Variants in APBA2 observed in about 807,000 individuals in gnomAD.
The protein encoded by APBA2 is amyloid beta precursor protein binding family A member 2, also known as amyloid-beta A4 precursor protein-binding family A member 2.
A neutral mutation model predicts 75.0 loss-of-function variants in APBA2; 30 were observed. That is an observed-to-expected ratio of 0.40 (90% CI 0.30 to 0.54). The LOEUF is 0.54. Ranked by LOEUF, APBA2 falls within the 20% of genes least tolerant of loss-of-function variation. The probability of loss-of-function intolerance (pLI) is 0.49; values close to 1 mark genes in which losing one functional copy is unlikely to be tolerated. For synonymous variants in APBA2, 444 were observed against 409.6 expected (o/e 1.08, Z -1.01); for missense variants, 801 against 1,016.1 (o/e 0.79, Z 2.88).
intron 10 of APBA2, chr15:29,102,829 G>A (rs2044194691): frequency 3.9e-5 from 6 of 152,212 alleles, no homozygotes; most frequent in Admixed American, 3.9e-4. Flanking sequence ...AGGACTTGAG[G>A]CTGTCTCAGG....
rs137867789 is a variant in APBA2, at chr15:29,078,687, A to G, written c.1069+2596A>G. On this transcript the variant is annotated intron_variant, in intron 6 of 14. Coordinates refer to ENST00000683413, the MANE Select transcript of APBA2 (RefSeq NM_001353788.2). The stretch of plus-strand genomic sequence containing the variant: ...AGGCCGCCGGTTCGATGGCTCTGTG[A>G]TGTCAGGATTGGCGCTGTTGTGTCT... Among the ~76,000 whole-genome samples the G allele has an allele frequency of 1.3e-3, 195 of 150,476 alleles. 2 individuals carry two copies. Among genetic ancestry groups the G allele is most frequent in the South Asian group, 0.012 (56 of 4,756 alleles).
intron 1 of APBA2, among the ~76,000 whole-genome samples, chr15:28,906,674 C>G (rs1262989682): frequency 6.6e-6 from 1 of 152,144 alleles, no homozygotes; most frequent in Non-Finnish European, 1.5e-5. Flanking sequence ...CATGATCAGT[C>G]TTTGTGGTTT....
chr15:28,975,713 G>A (rs988745663), intron 2 of APBA2, among the ~76,000 whole-genome samples: 3 of 152,198 alleles, frequency 2.0e-5, no homozygotes, highest in Non-Finnish European at 2.9e-5. Context: ...AAGTGAAAAA[G>A]CCAGGTAATA....
intron 2 of APBA2, among the ~76,000 whole-genome samples, chr15:28,983,577 A>G (rs965036511): frequency 6.6e-6 from 1 of 152,216 alleles, no homozygotes; most frequent in Non-Finnish European, 1.5e-5. Context: ...CTCCCAAGGC[A>G]TGTAATGTAG....
intron 2 of APBA2, among the ~76,000 whole-genome samples, chr15:28,929,478 A>G (rs1303184704): frequency 6.6e-6 from 1 of 152,172 alleles, no homozygotes; most frequent in Non-Finnish European, 1.5e-5. Flanking sequence ...CCAAGGGTGT[A>G]GCACTTCCCG....
intron 3 of APBA2, among the ~76,000 whole-genome samples, chr15:29,000,379 T>G (rs367865110): frequency 1.3e-5 from 2 of 152,154 alleles, no homozygotes; most frequent in African/African-American, 4.8e-5. Flanking sequence ...CTACATTGTT[T>G]TCTATACTTC....
chr15:29,076,196 G>A (rs575655925), intron 6 of APBA2, 105 bp downstream of exon 6: 21 of 1,237,286 alleles, frequency 1.7e-5, no homozygotes, highest in African/African-American at 8.9e-5. Context: ...TTTACAAAGC[G>A]TGCCTACCTA....
intron 14 of APBA2, among the ~76,000 whole-genome samples, chr15:29,114,428 A>T (rs1176963401): frequency 1.3e-5 from 2 of 152,152 alleles, no homozygotes; most frequent in African/African-American, 2.4e-5. Context: ...TCTTTCTGGC[A>T]TCGCTTCCAC....
At chr15:28,976,791 C>G (rs2037359429) in intron 2 of APBA2, among the ~76,000 whole-genome samples, 1 of 152,134 alleles carries the variant, frequency 6.6e-6, no homozygotes, top group African/African-American at 2.4e-5. Context: ...CTTTCTTATT[C>G]TGCCTTTCAT....
At chr15:28,968,026 C>T (rs1474886298) in intron 2 of APBA2, among the ~76,000 whole-genome samples, 4 of 152,242 alleles carry the variant, frequency 2.6e-5, no homozygotes, top group Non-Finnish European at 5.9e-5. Flanking sequence ...AGGTACCTCA[C>T]GTAAGTGGAA....
chr15:28,921,524 C>T (rs1049881973), intron 1 of APBA2, 116 bp from the exon 2 acceptor site: 1 of 152,194 alleles, frequency 6.6e-6, no homozygotes, highest in Admixed American at 6.5e-5. Context: ...TGTTAGCCTC[C>T]CATATGAGCG....
chr15:29,007,294 C>T (rs1332302191), intron 3 of APBA2, among the ~76,000 whole-genome samples: 1 of 152,158 alleles, frequency 6.6e-6, no homozygotes, highest in Non-Finnish European at 1.5e-5. Flanking sequence ...CAGAAGAAAA[C>T]AGGTGCACAA....
chr15:29,071,192 G>T (rs2042606699), intron 4 of APBA2: 1 of 379,452 alleles, frequency 2.6e-6, no homozygotes, highest in Non-Finnish European at 5.3e-6. Context: ...AATGAGAATT[G>T]ACACTTTTTA....
intron 6 of APBA2, among the ~76,000 whole-genome samples, chr15:29,083,666 A>G (rs60509549): frequency 0.12 from 18,171 of 151,796 alleles, 2,697 homozygotes; most frequent in African/African-American, 0.35. Flanking sequence ...GAGTAGCTGG[A>G]ATTACAGGGG....
intron 4 of APBA2, among the ~76,000 whole-genome samples, chr15:29,067,859 G>C (rs2042444419): frequency 1.3e-5 from 2 of 152,138 alleles, no homozygotes; most frequent in South Asian, 4.1e-4. Flanking sequence ...GCCTTAGGCA[G>C]TTCCATTGAG....
chr15:28,916,949 C>T (rs1441776541), intron 1 of APBA2, among the ~76,000 whole-genome samples: 3 of 152,004 alleles, frequency 2.0e-5, no homozygotes, highest in South Asian at 2.1e-4. Flanking sequence ...TTTAAATTTT[C>T]GATAGAGAAT....
intron 9 of APBA2, among the ~76,000 whole-genome samples, chr15:29,098,967 C>T (rs1028336934): frequency 2.0e-5 from 3 of 151,846 alleles, no homozygotes; most frequent in African/African-American, 2.4e-5. Flanking sequence ...TACCCTGATA[C>T]GGGCACAGGG....
At chr15:28,926,754 T>C (rs1367680675) in intron 2 of APBA2, among the ~76,000 whole-genome samples, 1 of 152,128 alleles carries the variant, frequency 6.6e-6, no homozygotes, top group Non-Finnish European at 1.5e-5. Flanking sequence ...GATAAACTAT[T>C]TCTCCTTCAT....
rs190576740 is a variant in APBA2, at chr15:28,981,681, C to A, written c.-94-14072C>A. Among the ~76,000 whole-genome samples the A allele has an allele frequency of 3.4e-4, 52 of 152,288 alleles. 3 individuals are homozygous for A. The East Asian group carries it at 8.7e-3, about 25-fold the overall frequency. On this transcript the variant is annotated intron_variant, in intron 2 of 14. Transcript: ENST00000683413. ...TATATTTCCAAAAGAAAATAAATCACTCTACCAAAAAGACACATGCACTTG... is the reference window on the plus strand; with the variant it reads ...TATATTTCCAAAAGAAAATAAATCAATCTACCAAAAAGACACATGCACTTG...
Sources: allele counts gnomAD v4.1 joint callset (sites outside exome capture counted in the v4.1 genomes callset), GRCh38; gene constraint gnomAD v4.1.1; transcripts MANE v1.5; gene names NCBI Gene and HGNC (gene_info 2026-07-23, HGNC 2026-07-21).